XDH: variants seen among roughly 807,000 people sequenced by gnomAD.
The protein encoded by XDH is xanthine dehydrogenase, also known as xanthine dehydrogenase/oxidase.
A neutral mutation model predicts 156.1 loss-of-function variants in XDH; 138 were observed. The ratio of observed to expected loss-of-function variants is 0.88; its 90% CI spans 0.77 to 1.02. XDH has a LOEUF of 1.02. XDH is among the 50% of genes least tolerant of loss of function. The pLI, the probability that XDH is intolerant of heterozygous loss-of-function variation, is 0.00. For missense variants in XDH, 1,849 were observed against 1,684.9 expected, an observed-to-expected ratio of 1.10 and a Z score of -1.71; for synonymous variants, 669 against 625.7, an observed-to-expected ratio of 1.07 and a Z score of -1.03.
intron 22 of XDH, 146 bp downstream of exon 22, chr2:31,365,830 C>G: frequency 7.2e-7 from 1 of 1,393,816 alleles, no homozygotes; most frequent in Non-Finnish European, 9.8e-7. Context: ...CCACTATGCC[C>G]AAGGGTTCTA....
chr2:31,344,319 G>A (rs535249950), intron 31 of XDH, among the ~76,000 whole-genome samples: 13 of 152,298 alleles, frequency 8.5e-5, no homozygotes, highest in African/African-American at 3.1e-4. Context: ...ACACAGCCTG[G>A]TTTCTGCAGG....
In XDH at chr2:31,368,633, C is replaced by T. The variant is rs745473695; in HGVS notation, c.2008G>A (p.Ala670Thr). 8 of 1,614,160 alleles carry T rather than the reference C, an allele frequency of 5.0e-6. No individual in the cohort carries two copies. Among genetic ancestry groups the T allele is most frequent in the Non-Finnish European group, 5.1e-6 (6 of 1,180,030 alleles). The change falls in exon 19 of 36, where the codon GCT (alanine) becomes ACT (threonine). Residue 670 changes from alanine (A) to threonine (T), a missense_variant. By Grantham distance (58) the Ala-to-Thr change is moderately conservative. Transcript: ENST00000379416. The stretch of plus-strand genomic sequence containing the variant: ...TGTTCCGGGGTGTCAGCAACCACAG[C>T]ACCAATGATATGCCCAACACAAGTA... Reference protein sequence around the residue: ...KVTCVGHIIGAVVADTPEHTQ... With the variant: ...KVTCVGHIIGTVVADTPEHTQ...
At chr2:31,373,782 T>C in intron 16 of XDH, 91 bp downstream of exon 16, 1 of 1,296,084 alleles carries the variant, frequency 7.7e-7, no homozygotes, top group Non-Finnish European at 1.1e-6. Flanking sequence ...TATATACAAT[T>C]CAAGTTAGTC....
intron 31 of XDH, among the ~76,000 whole-genome samples, chr2:31,344,363 C>T (rs1319781703): frequency 6.6e-6 from 1 of 152,100 alleles, no homozygotes; most frequent in East Asian, 1.9e-4. Context: ...AGGTACTGGC[C>T]CCAATACGTC....
At chr2:31,402,178 G>T (rs893949907) in intron 3 of XDH, among the ~76,000 whole-genome samples, 1 of 152,082 alleles carries the variant, frequency 6.6e-6, no homozygotes, top group Non-Finnish European at 1.5e-5. Context: ...AAAGCCTTAC[G>T]ATCAACCAAT....
intron 24 of XDH, among the ~76,000 whole-genome samples, chr2:31,351,518 A>C (rs1685480716): frequency 6.6e-6 from 1 of 152,178 alleles, no homozygotes. Context: ...TTTAAATCTT[A>C]AATCCCCCAG....
chr2:31,401,282 G>A lies in XDH; in HGVS notation c.244C>T (p.His82Tyr). 1.2e-6 allele frequency: 2 copies of A among 1,614,202 alleles called. No individual in the cohort carries two copies. The highest frequency in any genetic ancestry group is 1.7e-6 in the Non-Finnish European group (2 of 1,180,030). ...CCTTCCACAGTTGTCACTGCAACAT[G>A]GTGCAAGGAGCAGATGGGGGCCAGG... ...ACLAPICSLHHVAVTTVEGIG... is the reference protein window; with the variant it reads ...ACLAPICSLHYVAVTTVEGIG... The change falls in exon 4 of 36, where the codon CAT becomes TAT. Residue 82 changes from histidine to tyrosine, a missense_variant. Coordinates refer to ENST00000379416, the MANE Select transcript of XDH (RefSeq NM_000379.4).
chr2:31,385,537 C>T (rs1185947897), intron 9 of XDH, among the ~76,000 whole-genome samples: 1 of 152,206 alleles, frequency 6.6e-6, no homozygotes, highest in African/African-American at 2.4e-5. Context: ...GGAGAGCATG[C>T]CCCTCCACAG....
chr2:31,339,261 G>A (rs2148748234), intron 34 of XDH, among the ~76,000 whole-genome samples: 1 of 152,168 alleles, frequency 6.6e-6, no homozygotes, highest in South Asian at 2.1e-4. Flanking sequence ...CAAAGAAGTG[G>A]GCTTCAGACC....
chr2:31,369,571 T>G (rs187724489), intron 18 of XDH, among the ~76,000 whole-genome samples: 1 of 152,176 alleles, frequency 6.6e-6, no homozygotes. Flanking sequence ...AGTTGGTTAG[T>G]GCAATGGTGG....
At chr2:31,369,468 C>G (rs2148770009) in intron 18 of XDH, among the ~76,000 whole-genome samples, 1 of 152,274 alleles carries the variant, frequency 6.6e-6, no homozygotes, top group East Asian at 1.9e-4. Flanking sequence ...CAACACATCA[C>G]TTTAGAAGAT....
Position 31,375,523 on chromosome 2 carries a change from A to G in XDH, c.1459T>C (p.Cys487Arg), listed in dbSNP as rs1686222145. Reference protein sequence around the residue: ...LWKEELLQDVCAGLAEELHLP... With the variant: ...LWKEELLQDVRAGLAEELHLP... ...TGCAGCTCCTCTGCCAGTCCTGCAC[A>G]CACGTCCTGCAGCAGCTCCTCCTTC... The change falls in exon 15 of 36, where the codon TGT becomes CGT. Residue 487 changes from cysteine to arginine, a missense_variant. Coordinates refer to ENST00000379416, the MANE Select transcript of XDH (RefSeq NM_000379.4). 6.2e-7 allele frequency: 1 copy of G among 1,613,902 alleles called. No individual in the cohort carries two copies. Among genetic ancestry groups the G allele is most frequent in the Non-Finnish European group, 8.5e-7 (1 of 1,180,030 alleles).
Position 31,335,978 on chromosome 2 carries a change from G to A in XDH, c.3982C>T (p.Pro1328Ser), listed in dbSNP as rs531030273. ...TCTCTTTAGACCCTCACAGACCAGG[G>A]TTTGCAGTTTTCTGGGACACCAGTG... ...CVTGVPENCK[P>S]WSVRV The change falls in exon 36 of 36, where the codon CCC becomes TCC. Residue 1328 changes from proline to serine, a missense_variant. Coordinates refer to ENST00000379416, the MANE Select transcript of XDH (RefSeq NM_000379.4). 1 of 1,614,092 alleles carries A rather than the reference G, an allele frequency of 6.2e-7. No individual in the cohort carries two copies. The highest frequency in any genetic ancestry group is 1.7e-5 in the Admixed American group (1 of 60,012).
At chr2:31,346,538 G>A (rs1207586115) in intron 30 of XDH, among the ~76,000 whole-genome samples, 1 of 152,096 alleles carries the variant, frequency 6.6e-6, no homozygotes, top group Non-Finnish European at 1.5e-5. Context: ...TCAAGATCCT[G>A]GATCAAAAAC....
At chr2:31,360,126 T>C (rs1685738363) in intron 24 of XDH, among the ~76,000 whole-genome samples, 1 of 152,228 alleles carries the variant, frequency 6.6e-6, no homozygotes, top group South Asian at 2.1e-4. Flanking sequence ...AATTTCACTT[T>C]CCGTAGTTTG....
intron 12 of XDH, 91 bp from the exon 13 acceptor site, chr2:31,380,067 C>T (rs1041781722): frequency 1.6e-6 from 2 of 1,259,422 alleles, no homozygotes; most frequent in African/African-American, 3.0e-5. Context: ...TGGGATTCTT[C>T]ATGCTGGTCT....
chr2:31,384,690 G>A (rs1686536761), intron 9 of XDH, among the ~76,000 whole-genome samples: 1 of 152,130 alleles, frequency 6.6e-6, no homozygotes, highest in Admixed American at 6.5e-5. Flanking sequence ...CTTCCCCCCA[G>A]GTGCTGTTTA....
At chr2:31,386,641 G>A (rs1278454700) in intron 8 of XDH, 86 bp from the exon 9 acceptor site, 2 of 1,541,294 alleles carry the variant, frequency 1.3e-6, no homozygotes, top group African/African-American at 1.4e-5. Flanking sequence ...TCAATGGGAT[G>A]TTTTACTGAC....
intron 31 of XDH, among the ~76,000 whole-genome samples, chr2:31,343,670 T>C (rs207449): frequency 0.97 from 141,290 of 146,314 alleles, 68,239 homozygotes; most frequent in East Asian, 1. Context: ...CAGATATATG[T>C]CTTATACATA....
Sources: gnomAD v4.1 joint callset for allele counts (sites outside exome capture counted in the v4.1 genomes callset) on GRCh38, gnomAD v4.1.1 for gene constraint, MANE v1.5 for transcripts, NCBI Gene and HGNC (gene_info 2026-07-23, HGNC 2026-07-21) for gene names.